NAT8L: variants seen among roughly 807,000 people sequenced by gnomAD.
NAT8L encodes the protein N-acetylaspartate synthetase.
A neutral mutation model predicts 21.2 loss-of-function variants in NAT8L; 6 were observed. The ratio of observed to expected loss-of-function variants is 0.28; its 90% CI spans 0.16 to 0.56. NAT8L has a LOEUF of 0.56. Ranked by LOEUF, NAT8L falls within the 20% of genes least tolerant of loss-of-function variation. NAT8L has a pLI of 0.93. For missense variants in NAT8L, 331 were observed against 433.3 expected, an observed-to-expected ratio of 0.76 and a Z score of 2.10; for synonymous variants, 239 against 204.9, an observed-to-expected ratio of 1.17 and a Z score of -1.42.
rs1197685503 is a variant in NAT8L at position 2,059,629 on chromosome 4, C to A, written c.118C>A (p.Pro40Thr). 11 of 974,566 alleles carry A rather than the reference C, an allele frequency of 1.1e-5. No homozygotes were observed. The highest frequency in any genetic ancestry group is 5.0e-4 in the Middle Eastern group (1 of 1,994). The allele number at this position is 974,566 out of a possible 1,614,324, so 60.4% of individuals were successfully genotyped here. A position where few individuals can be genotyped will look rare whatever the true frequency, so the allele number is the denominator to read the frequency against. ...ALLAAAGAMW[P>T]PLPAAPGPAA... ...GCTCGCCGCCGCCGGCGCCATGTGG[C>A]CCCCGCTGCCCGCCGCGCCCGGGCC... The change falls in exon 1 of 3, where the codon CCC (proline) becomes ACC (threonine). Residue 40 changes from proline to threonine, a missense_variant. Around this residue, in one of 2 missense-constraint regions of NAT8L, gnomAD observed 199 missense variants for 196.1 expected, o/e 1.01. Transcript: ENST00000423729. The surrounding 1 kb of genome is among the most constrained non-coding windows in gnomAD (Gnocchi z 4.8).
Position 2,061,181 on chromosome 4 carries a change from G to A in NAT8L, c.541+19G>A. ...CCGCCCGGTGAGTCCCGCTCCCGCCGCTCCCCGACCTCCGCCCCAGACAGC... is the reference window on the plus strand; with the variant it reads ...CCGCCCGGTGAGTCCCGCTCCCGCCACTCCCCGACCTCCGCCCCAGACAGC... On this transcript the variant is annotated intron_variant, in intron 2 of 2. Coordinates refer to ENST00000423729, the MANE Select transcript of NAT8L (RefSeq NM_178557.4). 10 of 1,610,052 alleles carry A rather than the reference G, an allele frequency of 6.2e-6. No homozygotes were observed. Among genetic ancestry groups the A allele is most frequent in the Non-Finnish European group, 8.5e-6 (10 of 1,178,470 alleles).
rs1406597218 is a variant in NAT8L at position 2,063,845 on chromosome 4, G to A, written c.627G>A (p.Glu209=). ...CCCACGAGGAGGACAACACGGTGGA[G>A]CTGCTGCGGATGTCTGTGGACTCAC... The part of the protein sequence containing the change: ...ARAHEEDNTV[E]LLRMSVDSRF... The change falls in exon 3 of 3, where the codon GAG becomes GAA. Residue 209 remains glutamate (E), a synonymous_variant. Transcript: ENST00000423729. The A allele has an allele frequency of 2.5e-6, 4 of 1,612,406 alleles. No individual in the cohort carries two copies. The highest frequency in any genetic ancestry group is 3.4e-6 in the Non-Finnish European group (4 of 1,179,950).
rs1481034622 is a variant in NAT8L at position 2,060,163 on chromosome 4, A to G, written c.376+276A>G. ...CCGCCTCCCCTGTCCCCTCCCGGGC[A>G]TCCTGGGTGGGGGCGGGTGCCAGGG... On this transcript the variant is annotated intron_variant, in intron 1 of 2. Transcript: ENST00000423729. This position sits in a 1 kb window ranked among gnomAD's most constrained non-coding sequence, Gnocchi z 4.7. Among the ~76,000 whole-genome samples the G allele has an allele frequency of 2.6e-5, 4 of 151,840 alleles. No individual in the cohort carries two copies. The highest frequency in any genetic ancestry group is 9.7e-5 in the African/African-American group (4 of 41,390).
At chr4:2,063,244 GAGTTTGC>G (rs1416556734) in intron 2 of NAT8L, among the ~76,000 whole-genome samples, 2 of 152,286 alleles carry the variant, frequency 1.3e-5, no homozygotes, top group African/African-American at 2.4e-5. Context: ...GTGGGTGCTG[GAGTTTGC>G]CGTGATGGCC....
Position 2,059,351 on chromosome 4 carries a change from C to T in NAT8L, c.-161C>T, listed in dbSNP as rs1404671093. On this transcript the variant is annotated 5_prime_UTR_variant, in exon 1 of 3. Coordinates refer to ENST00000423729, the MANE Select transcript of NAT8L (RefSeq NM_178557.4). This position sits in a 1 kb window ranked among gnomAD's most constrained non-coding sequence, Gnocchi z 4.8. Reference sequence around the variant, plus strand: ...TCCCTGCGCGCGCCCCGGCCGCCCGCCGCCTCCGCCCCGCGCCCCTGAGCT... The same window carrying T: ...TCCCTGCGCGCGCCCCGGCCGCCCGTCGCCTCCGCCCCGCGCCCCTGAGCT... Among the ~76,000 whole-genome samples the T allele has an allele frequency of 3.4e-5, 5 of 145,442 alleles. No homozygotes were observed. The highest frequency in any genetic ancestry group is 4.9e-5 in the African/African-American group (2 of 40,592).
chr4:2,059,568 C>A lies in NAT8L; in HGVS notation c.57C>A (p.Asp19Glu). The change falls in exon 1 of 3, where the codon GAC becomes GAA. Residue 19 changes from aspartate to glutamate, a missense_variant. This residue lies in a region of NAT8L where 199 missense variants were observed against 196.1 expected (regional missense o/e 1.01). Transcript: ENST00000423729. The surrounding 1 kb of genome is among the most constrained non-coding windows in gnomAD (Gnocchi z 4.8). ...AGACGAAGATCGTGGCCGCCGAGGA[C>A]CATGAGGCGCTGCCGGGGGCCAAGA... ...VCETKIVAAE[D>E]HEALPGAKKD... is the part of the protein sequence containing the mutation. 1.0e-6 allele frequency: 1 copy of A among 996,518 alleles called. No individual in the cohort carries two copies. Among genetic ancestry groups the A allele is most frequent in the Non-Finnish European group, 1.2e-6 (1 of 835,746 alleles). The allele number at this position is 996,518 out of a possible 1,614,324, so 61.7% of individuals were successfully genotyped here.
rs955906270 is a variant in NAT8L at position 2,060,194 on chromosome 4, A to G, written c.376+307A>G. Among the ~76,000 whole-genome samples, 8 of 151,754 alleles carry G rather than the reference A, an allele frequency of 5.3e-5. No individual in the cohort carries two copies. Among genetic ancestry groups the G allele is most frequent in the African/African-American group, 1.2e-4 (5 of 41,350 alleles). ...GGTGGGGGCGGGTGCCAGGGCAGGT[A>G]GCGCCCGCCGCGGCTGGGCCCCGGC... On this transcript the variant is annotated intron_variant, in intron 1 of 2. Coordinates refer to ENST00000423729, the MANE Select transcript of NAT8L (RefSeq NM_178557.4). The surrounding 1 kb of genome is among the most constrained non-coding windows in gnomAD (Gnocchi z 4.7).
chr4:2,059,845 C>A lies in NAT8L; in HGVS notation c.334C>A (p.Arg112=). 2 of 1,381,692 alleles carry A rather than the reference C, an allele frequency of 1.4e-6. No individual in the cohort carries two copies. The highest frequency in any genetic ancestry group is 1.9e-6 in the Non-Finnish European group (2 of 1,057,142). 85.6% of individuals were successfully genotyped at this position (1,381,692 alleles called of 1,614,324 possible). Residue 112 remains arginine (R), a synonymous_variant, in exon 1 of 3, where the codon CGG becomes AGG. Transcript: ENST00000423729. The surrounding 1 kb of genome is among the most constrained non-coding windows in gnomAD (Gnocchi z 4.8). ...CCCTAACACGGCCTTCCGCGGCCTG[C>A]GGCAGCACCCGCGCGCGCAGCTGCT... ...RIPNTAFRGL[R]QHPRAQLLYA...
chr4:2,059,806 A>G lies in NAT8L; in HGVS notation c.295A>G (p.Ile99Val). The change falls in exon 1 of 3, where the codon ATC (isoleucine) becomes GTC (valine). Residue 99 changes from isoleucine to valine, a missense_variant. By Grantham distance (29) the Ile-to-Val change is conservative (BLOSUM62 3). This residue lies in a region of NAT8L where 199 missense variants were observed against 196.1 expected (regional missense o/e 1.01). Coordinates refer to ENST00000423729, the MANE Select transcript of NAT8L (RefSeq NM_178557.4). This position sits in a 1 kb window ranked among gnomAD's most constrained non-coding sequence, Gnocchi z 4.8. ...GGCGCGCCGCATCTTCTACGACGGC[A>G]TCATGGAGCGCATCCCTAACACGGC... ...EAARRIFYDG[I>V]MERIPNTAFR... is the part of the protein sequence containing the mutation. 7.2e-7 allele frequency: 1 copy of G among 1,388,772 alleles called. No individual in the cohort carries two copies. The highest frequency in any genetic ancestry group is 9.4e-7 in the Non-Finnish European group (1 of 1,061,904). The allele number at this position is 1,388,772 out of a possible 1,614,324, so 86.0% of individuals were successfully genotyped here.
chr4:2,068,320 TGTGC>T lies in NAT8L; in HGVS notation c.*4195_*4198del, dbSNP rs1484441598. The T allele has an allele frequency of 6.6e-6, 1 of 152,290 alleles. No homozygotes were observed. The highest frequency in any genetic ancestry group is 2.4e-5 in the African/African-American group (1 of 41,438). 9.4% of individuals were successfully genotyped at this position (152,290 alleles called of 1,614,324 possible). A position where few individuals can be genotyped will look rare whatever the true frequency, so the allele number is the denominator to read the frequency against. On this transcript the variant is annotated 3_prime_UTR_variant, in exon 3 of 3. Coordinates refer to ENST00000423729, the MANE Select transcript of NAT8L (RefSeq NM_178557.4). Reference sequence around the variant, plus strand: ...GAGCACGTGTATAGATGTACGTGTGTGTGCGCATGTGTGCGTGTACATGTGTTTG... The same window carrying T: ...GAGCACGTGTATAGATGTACGTGTGTGCATGTGTGCGTGTACATGTGTTTG...
Position 2,064,933 on chromosome 4 carries a change from C to G in NAT8L, c.*806C>G, listed in dbSNP as rs1412218428. 2.0e-5 allele frequency: 3 copies of G among 152,500 alleles called. No homozygotes were observed. Among genetic ancestry groups the G allele is most frequent in the Non-Finnish European group, 4.4e-5 (3 of 68,118 alleles). 9.4% of individuals were successfully genotyped at this position (152,500 alleles called of 1,614,324 possible). ...CCCAGTGCCCACTGGATCGTGCTGGCCTCTCCCAGATGTCCCCGGGGACCT... is the reference window on the plus strand; with the variant it reads ...CCCAGTGCCCACTGGATCGTGCTGGGCTCTCCCAGATGTCCCCGGGGACCT... On this transcript the variant is annotated 3_prime_UTR_variant, in exon 3 of 3. Transcript: ENST00000423729.
Position 2,065,589 on chromosome 4 carries a change from G to A in NAT8L, c.*1462G>A, listed in dbSNP as rs1194030383. The A allele has an allele frequency of 1.3e-5, 2 of 152,406 alleles. No individual in the cohort carries two copies. Among genetic ancestry groups the A allele is most frequent in the Non-Finnish European group, 2.9e-5 (2 of 68,198 alleles). 9.4% of individuals were successfully genotyped at this position (152,406 alleles called of 1,614,324 possible). A position where few individuals can be genotyped will look rare whatever the true frequency, so the allele number is the denominator to read the frequency against. ...AATTGGGGAGGGGTCGTGGCAGGCA[G>A]GGTGGGCCACGGAACTGGGTCCCAG... On this transcript the variant is annotated 3_prime_UTR_variant, in exon 3 of 3. Transcript: ENST00000423729.
intron 2 of NAT8L, among the ~76,000 whole-genome samples, chr4:2,062,110 C>T (rs572980039): frequency 4.1e-4 from 63 of 152,272 alleles, no homozygotes; most frequent in Non-Finnish European, 7.6e-4. Flanking sequence ...CAGGGGGCTC[C>T]GGTGGGCACA....
chr4:2,062,359 G>A lies in NAT8L; in HGVS notation c.541+1197G>A, dbSNP rs569136794. 1.8e-4 allele frequency among the ~76,000 whole-genome samples: 28 copies of A among 152,216 alleles called. 1 individual carries two copies. In the Middle Eastern group the frequency reaches 0.02, roughly 111 times the overall value. On this transcript the variant is annotated intron_variant, in intron 2 of 2. Coordinates refer to ENST00000423729, the MANE Select transcript of NAT8L (RefSeq NM_178557.4). ...ACTTCTGGGATGGCCCTGATCTCTC[G>A]TCTTGCCTGGGTAGGTAGAGGCAGA...
In NAT8L at chr4:2,065,215, A is replaced by C. The variant is rs1354323564; in HGVS notation, c.*1088A>C. 6.6e-6 allele frequency: 1 copy of C among 151,726 alleles called. No homozygotes were observed. The highest frequency in any genetic ancestry group is 1.5e-5 in the Non-Finnish European group (1 of 67,958). The allele number at this position is 151,726 out of a possible 1,614,324, so 9.4% of individuals were successfully genotyped here. ...TTTGCTGTTGGAAACCTGGAGGGAA[A>C]CCCTGATTGGATGTCATTTCCTGCC... On this transcript the variant is annotated 3_prime_UTR_variant, in exon 3 of 3. Coordinates refer to ENST00000423729, the MANE Select transcript of NAT8L (RefSeq NM_178557.4).
chr4:2,068,275 CAT>C lies in NAT8L; in HGVS notation c.*4149_*4150del, dbSNP rs1186843605. The C allele has an allele frequency of 1.3e-5, 2 of 152,116 alleles. No homozygotes were observed. Among genetic ancestry groups the C allele is most frequent in the African/African-American group, 4.8e-5 (2 of 41,360 alleles). 9.4% of individuals were successfully genotyped at this position (152,116 alleles called of 1,614,324 possible). On this transcript the variant is annotated 3_prime_UTR_variant, in exon 3 of 3. Transcript: ENST00000423729. Reference sequence around the variant, plus strand: ...GTACACGTGTATAGGTGTACATGTGCATGAGTTGTGTACATGCGTGAGCACGT... The same window carrying C: ...GTACACGTGTATAGGTGTACATGTGCGAGTTGTGTACATGCGTGAGCACGT...
Position 2,059,651 on chromosome 4 carries a change from G to C in NAT8L, c.140G>C (p.Gly47Ala), listed in dbSNP as rs1244556608. ...AMWPPLPAAP[G>A]PAAAPPAPPP... Reference sequence around the variant, plus strand: ...TGGCCCCCGCTGCCCGCCGCGCCCGGGCCGGCCGCCGCGCCCCCCGCGCCC... The same window carrying C: ...TGGCCCCCGCTGCCCGCCGCGCCCGCGCCGGCCGCCGCGCCCCCCGCGCCC... The change falls in exon 1 of 3, where the codon GGG becomes GCG. Residue 47 changes from glycine (G) to alanine (A), a missense_variant. This residue lies in a region of NAT8L where 199 missense variants were observed against 196.1 expected (regional missense o/e 1.01). Coordinates refer to ENST00000423729, the MANE Select transcript of NAT8L (RefSeq NM_178557.4). This position sits in a 1 kb window ranked among gnomAD's most constrained non-coding sequence, Gnocchi z 4.8. 36 of 970,620 alleles carry C rather than the reference G, an allele frequency of 3.7e-5. No individual in the cohort carries two copies. The highest frequency in any genetic ancestry group is 4.4e-5 in the Non-Finnish European group (36 of 819,268). 60.1% of individuals were successfully genotyped at this position (970,620 alleles called of 1,614,324 possible). A position where few individuals can be genotyped will look rare whatever the true frequency, so the allele number is the denominator to read the frequency against.
chr4:2,060,747 G>T lies in NAT8L; in HGVS notation c.377-251G>T, dbSNP rs988674036. Among the ~76,000 whole-genome samples, 17 of 152,044 alleles carry T rather than the reference G, an allele frequency of 1.1e-4. No individual in the cohort carries two copies. The highest frequency in any genetic ancestry group is 3.6e-4 in the African/African-American group (15 of 41,412). On this transcript the variant is annotated intron_variant, in intron 1 of 2. Transcript: ENST00000423729. This position sits in a 1 kb window ranked among gnomAD's most constrained non-coding sequence, Gnocchi z 4.7. ...GAGTCCTTCCCGGCCCGGCCATCCC[G>T]AGGGTGTCCTGCCGTGTTTGGAAGC...
At chr4:2,061,752 G>A (rs1729895417) in intron 2 of NAT8L, among the ~76,000 whole-genome samples, 1 of 152,186 alleles carries the variant, frequency 6.6e-6, no homozygotes, top group African/African-American at 2.4e-5. Context: ...GCCCCCAGCC[G>A]CTGAGCCACA....
Sources: gnomAD v4.1 joint callset for allele counts (sites outside exome capture counted in the v4.1 genomes callset) on GRCh38, gnomAD v4.1.1 for gene constraint, gnomAD v4.1.1 regional missense constraint, Gnocchi (gnomAD v3.1) non-coding constraint, MANE v1.5 for transcripts, NCBI Gene and HGNC (gene_info 2026-07-23, HGNC 2026-07-21) for gene names.